ETV6: variants seen among roughly 807,000 people sequenced by gnomAD.
ETV6 encodes the protein ETS variant transcription factor 6, also known as transcription factor ETV6.
In ETV6, 16 loss-of-function variants were observed where a neutral mutation model predicts 51.1. The ratio of observed to expected loss-of-function variants is 0.31; its 90% CI spans 0.21 to 0.48. The LOEUF (loss-of-function observed/expected upper bound fraction) is 0.48. Among genes scored for constraint, ETV6 ranks in the 20% least tolerant of loss-of-function variants. The pLI is 0.99. For missense variants in ETV6, 458 were observed against 594.8 expected (o/e 0.77, Z 2.39); for synonymous variants, 240 against 224.1 (o/e 1.07, Z -0.64).
At chr12:11,890,124 A>ATTTTT (rs34570955) in intron 7 of ETV6, among the ~76,000 whole-genome samples, 3 of 131,074 alleles carry the variant, frequency 2.3e-5, no homozygotes, top group Non-Finnish European at 3.2e-5. Flanking sequence ...ATTGTAAAAG[A>ATTTTT]TTTTTTTTTT....
At chr12:11,674,113 A>C (rs1030740091) in intron 1 of ETV6, among the ~76,000 whole-genome samples, 1 of 152,222 alleles carries the variant, frequency 6.6e-6, no homozygotes, top group Non-Finnish European at 1.5e-5. Flanking sequence ...ACCACCCCGC[A>C]GATACAATGC....
intron 2 of ETV6, among the ~76,000 whole-genome samples, chr12:11,762,651 G>GTGACACTTATA (rs1171050547): frequency 6.6e-6 from 1 of 152,132 alleles, no homozygotes; most frequent in Non-Finnish European, 1.5e-5. Context: ...ATTTCCATCC[G>GTGACACTTATA]CCTCAGCCAG....
chr12:11,847,531 G>C (rs890499560), intron 3 of ETV6, among the ~76,000 whole-genome samples: 2 of 152,312 alleles, frequency 1.3e-5, no homozygotes, highest in Middle Eastern at 3.4e-3. Context: ...AGAGAAGTAG[G>C]CGGAAAACCA....
In ETV6 at chr12:11,894,893, AG is replaced by A. The variant is rs918854724; in HGVS notation, c.*3848del. On this transcript the variant is annotated 3_prime_UTR_variant, in exon 8 of 8. Transcript: ENST00000396373. ...ATAAAAGATTTGGGAAAACACACCA[AG>A]AAAAAGGGGCAGTTTTCTTTGCCCA... The A allele has an allele frequency of 3.4e-5, 8 of 233,570 alleles. No homozygotes were observed. The highest frequency in any genetic ancestry group is 1.8e-4 in the African/African-American group (8 of 45,336). The allele number at this position is 233,570 out of a possible 1,614,324, so 14.5% of individuals were successfully genotyped here.
At chr12:11,851,882 A>G (rs1946561931) in intron 3 of ETV6, among the ~76,000 whole-genome samples, 1 of 152,212 alleles carries the variant, frequency 6.6e-6, no homozygotes, top group African/African-American at 2.4e-5. Context: ...AAAAAAAGAA[A>G]TTAATATGGA....
At chr12:11,820,857 C>G (rs11832184) in intron 2 of ETV6, among the ~76,000 whole-genome samples, 8,940 of 152,212 alleles carry the variant, frequency 0.059, 441 homozygotes, top group East Asian at 0.14. Flanking sequence ...TGATTTGAAT[C>G]AATCTCTGGC....
chr12:11,784,919 C>T (rs1219181578), intron 2 of ETV6, among the ~76,000 whole-genome samples: 1 of 131,702 alleles, frequency 7.6e-6, no homozygotes, highest in East Asian at 2.3e-4. Context: ...GTTACCCAGG[C>T]TGGTCTCAAA....
intron 2 of ETV6, among the ~76,000 whole-genome samples, chr12:11,837,755 T>C (rs1946336906): frequency 6.6e-6 from 1 of 152,248 alleles, no homozygotes; most frequent in African/African-American, 2.4e-5. Context: ...GTTTGAGCTA[T>C]TGATTCACAC....
intron 3 of ETV6, among the ~76,000 whole-genome samples, chr12:11,841,951 G>A (rs2136468854): frequency 6.6e-6 from 1 of 151,186 alleles, no homozygotes; most frequent in East Asian, 1.9e-4. Flanking sequence ...GCGTAGTGGC[G>A]GGCGCCTGTA....
At chr12:11,761,043 C>T (rs2136337645) in intron 2 of ETV6, among the ~76,000 whole-genome samples, 1 of 152,118 alleles carries the variant, frequency 6.6e-6, no homozygotes, top group East Asian at 1.9e-4. Flanking sequence ...AAACCACTTG[C>T]CCGAGGTCAC....
Position 11,834,165 on chromosome 12 carries a change from A to G in ETV6, c.164-4975A>G, listed in dbSNP as rs144912053. Among the ~76,000 whole-genome samples the G allele has an allele frequency of 1.5e-3, 229 of 152,340 alleles. 3 individuals carry two copies. The highest frequency in any genetic ancestry group is 5.3e-3 in the African/African-American group (220 of 41,564). On this transcript the variant is annotated intron_variant, in intron 2 of 7. Coordinates refer to ENST00000396373, the MANE Select transcript of ETV6 (RefSeq NM_001987.5). ...CATCTGGAGGCAAAATGACTAAGCA[A>G]GGACGTGATAACTGTCCTCACTGTG...
At chr12:11,749,942 A>C (rs1365548566) in intron 1 of ETV6, among the ~76,000 whole-genome samples, 1 of 152,224 alleles carries the variant, frequency 6.6e-6, no homozygotes, top group Non-Finnish European at 1.5e-5. Flanking sequence ...TGAGCCTTTG[A>C]AAAAGAGCTT....
At chr12:11,846,605 C>CA (rs879515852) in intron 3 of ETV6, among the ~76,000 whole-genome samples, 112 of 140,066 alleles carry the variant, frequency 8.0e-4, no homozygotes, top group Admixed American at 1.9e-3. Context: ...CAAGAGTGGG[C>CA]AAAAAAAAAA....
chr12:11,840,926 A>T (rs1445797757), intron 3 of ETV6: 1 of 168,380 alleles, frequency 5.9e-6, no homozygotes, highest in African/African-American at 2.4e-5. Flanking sequence ...GGAAACTCAG[A>T]GATATTATAC....
At chr12:11,728,959 A>G (rs1042833386) in intron 1 of ETV6, among the ~76,000 whole-genome samples, 1 of 152,234 alleles carries the variant, frequency 6.6e-6, no homozygotes, top group East Asian at 1.9e-4. Context: ...CTTCTTTAGC[A>G]TTATTTAATA....
intron 1 of ETV6, among the ~76,000 whole-genome samples, chr12:11,716,282 G>A (rs1030436391): frequency 6.7e-5 from 9 of 133,538 alleles, no homozygotes; most frequent in East Asian, 2.4e-4. Flanking sequence ...AGTGAGCGGA[G>A]ATCATGCCAC....
intron 2 of ETV6, among the ~76,000 whole-genome samples, chr12:11,786,339 T>C (rs539503100): frequency 5.9e-5 from 9 of 151,934 alleles, no homozygotes; most frequent in African/African-American, 2.2e-4. Context: ...TTAATTTGTT[T>C]TTTTTTTCAC....
At chr12:11,692,505 C>T (rs929866566) in intron 1 of ETV6, among the ~76,000 whole-genome samples, 1 of 152,184 alleles carries the variant, frequency 6.6e-6, no homozygotes, top group Non-Finnish European at 1.5e-5. Context: ...ACTGTTTCTG[C>T]AGTCATGACT....
At chr12:11,669,824 G>A (rs565349568) in intron 1 of ETV6, among the ~76,000 whole-genome samples, 3 of 152,018 alleles carry the variant, frequency 2.0e-5, no homozygotes, top group East Asian at 1.9e-4. Flanking sequence ...AGAAACCGTC[G>A]CCACCAGCAC....
Sources: allele counts gnomAD v4.1 joint callset (sites outside exome capture counted in the v4.1 genomes callset), GRCh38; gene constraint gnomAD v4.1.1; transcripts MANE v1.5; gene names NCBI Gene and HGNC (gene_info 2026-07-23, HGNC 2026-07-21).